Variants in CEP104 observed in about 807,000 individuals in gnomAD.
CEP104 encodes centrosomal protein of 104 kDa.
CEP104 carries 84 observed loss-of-function variants against 113.3 expected under a neutral mutation model. The observed-to-expected ratio is 0.74, with a 90% CI of 0.62 to 0.89. CEP104 has a LOEUF of 0.89. CEP104 is among the 40% of genes least tolerant of loss of function. The probability of loss-of-function intolerance (pLI) is 0.00; values close to 1 mark genes in which losing one functional copy is unlikely to be tolerated. For synonymous variants in CEP104, 378 were observed against 421.7 expected, an observed-to-expected ratio of 0.90 and a Z score of 1.27; for missense variants, 1,053 against 1,156.6, an observed-to-expected ratio of 0.91 and a Z score of 1.30.
intron 20 of CEP104, among the ~76,000 whole-genome samples, chr1:3,817,337 A>C (rs1643895284): frequency 6.6e-6 from 1 of 152,120 alleles, no homozygotes; most frequent in African/African-American, 2.4e-5. Context: ...GTGAGACTCC[A>C]TCTCAAAAAC....
chr1:3,847,099 A>T (rs1384408045), intron 4 of CEP104, among the ~76,000 whole-genome samples: 1 of 152,256 alleles, frequency 6.6e-6, no homozygotes, highest in East Asian at 1.9e-4. Context: ...ACATTAAAAA[A>T]TTTAAAAATG....
Position 3,823,014 on chromosome 1 carries a change from G to A in CEP104, c.2571+160C>T, listed in dbSNP as rs779947599. The A allele has an allele frequency of 6.0e-6, 4 of 667,584 alleles. No homozygotes were observed. The highest frequency in any genetic ancestry group is 1.9e-5 in the South Asian group (1 of 53,886). 41.4% of individuals were successfully genotyped at this position (667,584 alleles called of 1,614,324 possible). A position where few individuals can be genotyped will look rare whatever the true frequency, so the allele number is the denominator to read the frequency against. ...ATGTGAACACGTAGGTAAACGGAAC[G>A]ACTGCTCAGACAGGGCTCACTAGAC... On this transcript the variant is annotated intron_variant, in intron 20 of 21. Coordinates refer to ENST00000378230, the MANE Select transcript of CEP104 (RefSeq NM_014704.4). The surrounding 1 kb of genome is among the most constrained non-coding windows in gnomAD (Gnocchi z 4.1).
At chr1:3,839,183 A>G (rs1644369324) in intron 7 of CEP104, 64 bp from the exon 8 acceptor site, 14 of 1,425,298 alleles carry the variant, frequency 9.8e-6, no homozygotes, top group African/African-American at 2.8e-5. Context: ...ATGCAAAGCT[A>G]ATTTTTAAGA....
chr1:3,848,347 A>G (rs956371054), intron 3 of CEP104, among the ~76,000 whole-genome samples: 2 of 151,984 alleles, frequency 1.3e-5, no homozygotes, highest in African/African-American at 4.8e-5. Context: ...CCTGGCTAAC[A>G]TGGTGAAACC....
At position 3,839,730 on chromosome 1, in the gene CEP104, A is replaced by C; in HGVS notation, c.613T>G (p.Tyr205Asp). The change falls in exon 7 of 22, where the codon TAC becomes GAC. Residue 205 changes from tyrosine to aspartate, a missense_variant. Physicochemically the swap from Tyr to Asp is radical, Grantham distance 160 (BLOSUM62 -3). Coordinates refer to ENST00000378230, the MANE Select transcript of CEP104 (RefSeq NM_014704.4). Reference protein sequence around the residue: ...SPLDDLAFDMYQDPEVAQIIR... With the variant: ...SPLDDLAFDMDQDPEVAQIIR... ...ATCTGTGCAACTTCTGGATCTTGGT[A>C]CATATCAAAAGCTAAGTCATCTAGC... 1 of 1,613,658 alleles carries C rather than the reference A, an allele frequency of 6.2e-7. No individual in the cohort carries two copies.
In CEP104 at chr1:3,852,553, TG is replaced by T; in HGVS notation, c.-14-133del. 7.6e-6 allele frequency: 6 copies of T among 794,516 alleles called. No individual in the cohort carries two copies. The South Asian group carries it at 1.3e-4, about 17-fold the overall frequency. The allele number at this position is 794,516 out of a possible 1,614,324, so 49.2% of individuals were successfully genotyped here. A position where few individuals can be genotyped will look rare whatever the true frequency, so the allele number is the denominator to read the frequency against. On this transcript the variant is annotated intron_variant, in intron 1 of 21. Coordinates refer to ENST00000378230, the MANE Select transcript of CEP104 (RefSeq NM_014704.4). The stretch of plus-strand genomic sequence containing the variant: ...AGTATTCAGAATTTTCCCATCTCTT[TG>T]AAAAGAGTCTATTTTTTTTTGTTAA...
chr1:3,837,685 A>T (rs1266280680), intron 8 of CEP104, among the ~76,000 whole-genome samples, 166 bp from the exon 9 acceptor site: 1 of 152,272 alleles, frequency 6.6e-6, no homozygotes, highest in Non-Finnish European at 1.5e-5. Context: ...AGTGAAATCT[A>T]CTTGAAAGTC....
intron 4 of CEP104, among the ~76,000 whole-genome samples, chr1:3,846,462 C>T (rs984293979): frequency 8.5e-5 from 13 of 152,298 alleles, no homozygotes; most frequent in Non-Finnish European, 1.9e-4. Flanking sequence ...TAGATAGTTA[C>T]TGCTTTTAAA....
At chr1:3,820,073 T>C (rs1643941619) in intron 20 of CEP104, among the ~76,000 whole-genome samples, 1 of 152,106 alleles carries the variant, frequency 6.6e-6, no homozygotes, top group African/African-American at 2.4e-5. Flanking sequence ...CTGCTTATGC[T>C]GAAGGGTGTG....
At chr1:3,816,562 G>A in intron 20 of CEP104, 192 bp from the exon 21 acceptor site, 1 of 520,156 alleles carries the variant, frequency 1.9e-6, no homozygotes, top group East Asian at 3.2e-5. Context: ...TCTGTGCAGG[G>A]TACAACTCAG....
chr1:3,831,015 G>C (rs116097788), intron 13 of CEP104, 31 bp downstream of exon 13: 7 of 1,600,504 alleles, frequency 4.4e-6, no homozygotes, highest in Non-Finnish European at 6.0e-6. Context: ...GTGCTGGGCC[G>C]CGTGGTGTGT....
At chr1:3,833,653 A>G in intron 12 of CEP104, 1 of 336,660 alleles carries the variant, frequency 3.0e-6, no homozygotes, top group Non-Finnish European at 5.1e-6. Context: ...TAAAAAAAAC[A>G]TTGGAAAAAC....
At chr1:3,833,744 C>T in intron 12 of CEP104, 118 bp downstream of exon 12, 5 of 940,592 alleles carry the variant, frequency 5.3e-6, no homozygotes, top group Non-Finnish European at 7.9e-6. Context: ...ATGGTGAATC[C>T]CTGAGAATAA....
At chr1:3,845,101 T>A in intron 5 of CEP104, 118 bp from the exon 6 acceptor site, 2 of 944,048 alleles carry the variant, frequency 2.1e-6, no homozygotes, top group Non-Finnish European at 3.3e-6. Flanking sequence ...CCTCATCTTT[T>A]GGAGAGACAG....
chr1:3,816,785 G>A (rs1257143208), intron 20 of CEP104, among the ~76,000 whole-genome samples: 1 of 152,266 alleles, frequency 6.6e-6, no homozygotes, highest in Non-Finnish European at 1.5e-5. Context: ...ACGGTTCCTC[G>A]TGGGGTTCCC....
chr1:3,842,974 G>A (rs184863667), intron 6 of CEP104: 11 of 375,164 alleles, frequency 2.9e-5, no homozygotes, highest in African/African-American at 2.3e-4. Context: ...TTTTATTAGA[G>A]AAGGAGTTTT....
chr1:3,833,814 G>A (rs1644260452), intron 12 of CEP104, 48 bp downstream of exon 12: 1 of 1,572,138 alleles, frequency 6.4e-7, no homozygotes, highest in Non-Finnish European at 8.8e-7. Context: ...AGAGCTACAG[G>A]AATATGTTTA....
intron 4 of CEP104, among the ~76,000 whole-genome samples, chr1:3,845,832 A>G (rs1051133867): frequency 2.0e-5 from 3 of 152,192 alleles, no homozygotes; most frequent in African/African-American, 7.2e-5. Context: ...TCATGCCTGT[A>G]ATCCCATCAC....
chr1:3,827,382 G>C (rs1160785373), intron 15 of CEP104, among the ~76,000 whole-genome samples: 4 of 149,688 alleles, frequency 2.7e-5, no homozygotes, highest in Non-Finnish European at 5.9e-5. Context: ...GTCTGGCTAA[G>C]TTTTTTTTTT....
Sources: gnomAD v4.1 joint callset for allele counts (sites outside exome capture counted in the v4.1 genomes callset) on GRCh38, gnomAD v4.1.1 for gene constraint, Gnocchi (gnomAD v3.1) non-coding constraint, MANE v1.5 for transcripts, NCBI Gene and HGNC (gene_info 2026-07-23, HGNC 2026-07-21) for gene names.